TRAF3IP1: variants seen among roughly 807,000 people sequenced by gnomAD.
TRAF3IP1 encodes TRAF3-interacting protein 1.
Under a neutral mutation model 89.9 loss-of-function variants are expected in TRAF3IP1, and 53 were observed. That is an observed-to-expected ratio of 0.59 (90% CI 0.47 to 0.74). TRAF3IP1 has a LOEUF of 0.74. Among genes scored for constraint, TRAF3IP1 ranks in the 30% least tolerant of loss-of-function variants. TRAF3IP1 has a pLI of 0.00. For missense variants in TRAF3IP1, 806 were observed against 866.1 expected (o/e 0.93, Z 0.87); for synonymous variants, 311 against 322.1 (o/e 0.97, Z 0.37).
At chr2:238,353,040 A>C in intron 13 of TRAF3IP1, 90 bp downstream of exon 13, 4 of 1,526,918 alleles carry the variant, frequency 2.6e-6, no homozygotes, top group Non-Finnish European at 2.7e-6. Context: ...TGTAGACAAA[A>C]ATGTCCTGTA....
intron 8 of TRAF3IP1, among the ~76,000 whole-genome samples, chr2:238,343,836 T>G (rs1698772416): frequency 6.6e-6 from 1 of 151,896 alleles, no homozygotes; most frequent in Non-Finnish European, 1.5e-5. Flanking sequence ...AATTTTATAT[T>G]TTTTTGTGTA....
chr2:238,387,387 T>C (rs572618011), intron 15 of TRAF3IP1, among the ~76,000 whole-genome samples: 2 of 152,358 alleles, frequency 1.3e-5, no homozygotes, highest in East Asian at 1.9e-4. Context: ...TCAGTAGTTA[T>C]TATCTTCAGT....
At chr2:238,383,231 C>T (rs796838172) in intron 15 of TRAF3IP1, among the ~76,000 whole-genome samples, 4 of 152,148 alleles carry the variant, frequency 2.6e-5, no homozygotes, top group African/African-American at 9.7e-5. Flanking sequence ...CTCTTCCATT[C>T]CCCCATCTCC....
chr2:238,397,572 G>A lies in TRAF3IP1; in HGVS notation c.1803G>A (p.Gly601=). The change falls in exon 16 of 17, where the codon GGG becomes GGA. Residue 601 remains glycine, a synonymous_variant. Transcript: ENST00000373327. ...TGTGCAAGAGCGCACTTCCCCTGGG[G>A]AAGATCATGGACTACATCCAGGAAG... ...QTLCKSALPL[G]KIMDYIQEDV... 6.2e-7 allele frequency: 1 copy of A among 1,613,032 alleles called. No homozygotes were observed. Among genetic ancestry groups the A allele is most frequent in the Non-Finnish European group, 8.5e-7 (1 of 1,179,960 alleles).
In TRAF3IP1 at chr2:238,391,459, C is replaced by T. The variant is rs117472361; in HGVS notation, c.1690-6000C>T. Among the ~76,000 whole-genome samples the T allele has an allele frequency of 4.0e-4, 61 of 152,300 alleles. No homozygotes were observed. In the East Asian group the frequency reaches 0.011, roughly 27 times the overall value. Reference sequence around the variant, plus strand: ...GTGTGCTTTTTAAAGCAAATAATCACGGCTTGATGCGTTCACGCTGCCCCT... The same window carrying T: ...GTGTGCTTTTTAAAGCAAATAATCATGGCTTGATGCGTTCACGCTGCCCCT... On this transcript the variant is annotated intron_variant, in intron 15 of 16. Transcript: ENST00000373327.
chr2:238,396,383 G>T (rs1442951202), intron 15 of TRAF3IP1, among the ~76,000 whole-genome samples: 1 of 109,978 alleles, frequency 9.1e-6, no homozygotes. Flanking sequence ...CTGTTGTGGG[G>T]TGGGGGGAGG....
At chr2:238,363,857 G>A (rs1699761918) in intron 15 of TRAF3IP1, among the ~76,000 whole-genome samples, 1 of 152,150 alleles carries the variant, frequency 6.6e-6, no homozygotes, top group Non-Finnish European at 1.5e-5. Context: ...CTACTCAGGA[G>A]GCTGAGGCAA....
chr2:238,342,629 A>C (rs1698714181), intron 8 of TRAF3IP1, among the ~76,000 whole-genome samples: 5 of 152,248 alleles, frequency 3.3e-5, no homozygotes, highest in Admixed American at 3.3e-4. Context: ...ACTTAAAATT[A>C]TTAGAGTGTT....
chr2:238,366,869 G>A (rs1699898103), intron 15 of TRAF3IP1, among the ~76,000 whole-genome samples: 1 of 152,100 alleles, frequency 6.6e-6, no homozygotes, highest in African/African-American at 2.4e-5. Context: ...GCCCCAGGAT[G>A]AAAATTAGTG....
chr2:238,327,100 C>T (rs986322931), intron 3 of TRAF3IP1, among the ~76,000 whole-genome samples: 1 of 152,234 alleles, frequency 6.6e-6, no homozygotes, highest in Non-Finnish European at 1.5e-5. Flanking sequence ...CCTTCAGATC[C>T]TTCTCTCGTT....
chr2:238,383,034 C>T (rs939518159), intron 15 of TRAF3IP1, among the ~76,000 whole-genome samples: 1 of 152,170 alleles, frequency 6.6e-6, no homozygotes, highest in African/African-American at 2.4e-5. Context: ...CACCTCCCTG[C>T]CTGTCTCTAC....
intron 15 of TRAF3IP1, among the ~76,000 whole-genome samples, chr2:238,393,288 A>G (rs1438290425): frequency 6.6e-6 from 1 of 152,218 alleles, no homozygotes; most frequent in Non-Finnish European, 1.5e-5. Context: ...CCTAATGCCT[A>G]ATGATTTCAA....
At position 238,345,652 on chromosome 2, in the gene TRAF3IP1, G is replaced by GT. The variant is rs1698858080; in HGVS notation, c.1261+1055dup. Among the ~76,000 whole-genome samples, 1 of 152,196 alleles carries GT rather than the reference G, an allele frequency of 6.6e-6. No homozygotes were observed. The highest frequency in any genetic ancestry group is 2.4e-5 in the African/African-American group (1 of 41,444). ...CAGAGAAGAGAGAGAGGCCTGGACTGTGGAGGCGCCCTGGGAGGGGAGAAG... is the reference window on the plus strand; with the variant it reads ...CAGAGAAGAGAGAGAGGCCTGGACTGTTGGAGGCGCCCTGGGAGGGGAGAAG... On this transcript the variant is annotated intron_variant, in intron 9 of 16. Transcript: ENST00000373327. The surrounding 1 kb of genome is among the most constrained non-coding windows in gnomAD (Gnocchi z 4.7).
intron 15 of TRAF3IP1, among the ~76,000 whole-genome samples, chr2:238,369,010 A>G (rs928995199): frequency 3.9e-5 from 6 of 152,122 alleles, no homozygotes; most frequent in African/African-American, 1.4e-4. Context: ...CACTGTGTCT[A>G]TACTCTTACA....
intron 15 of TRAF3IP1, among the ~76,000 whole-genome samples, chr2:238,370,021 C>T (rs923741261): frequency 6.6e-6 from 1 of 152,202 alleles, no homozygotes; most frequent in Admixed American, 6.5e-5. Flanking sequence ...TGTTCTTTCC[C>T]TGCTCCAGCC....
chr2:238,363,821 A>T (rs532077014), intron 15 of TRAF3IP1, among the ~76,000 whole-genome samples: 34 of 152,240 alleles, frequency 2.2e-4, no homozygotes, highest in Admixed American at 1.5e-3. Flanking sequence ...TTAGCCGGAC[A>T]TGGTGGTGTG....
chr2:238,359,382 C>T (rs1395072126), intron 15 of TRAF3IP1, among the ~76,000 whole-genome samples: 1 of 152,192 alleles, frequency 6.6e-6, no homozygotes, highest in Non-Finnish European at 1.5e-5. Context: ...GCCCCAACCC[C>T]AGCAGCCACC....
intron 15 of TRAF3IP1, among the ~76,000 whole-genome samples, chr2:238,358,019 A>G (rs1192516923): frequency 6.6e-6 from 1 of 152,144 alleles, no homozygotes; most frequent in Non-Finnish European, 1.5e-5. Context: ...CAGTTAGGGG[A>G]AAATCAGCAA....
chr2:238,380,504 G>A (rs1700501151), intron 15 of TRAF3IP1, among the ~76,000 whole-genome samples: 1 of 152,148 alleles, frequency 6.6e-6, no homozygotes, highest in African/African-American at 2.4e-5. Flanking sequence ...CCCCCTAACC[G>A]ATAGGAAACA....
Sources: allele counts gnomAD v4.1 joint callset (sites outside exome capture counted in the v4.1 genomes callset), GRCh38; gene constraint gnomAD v4.1.1; non-coding constraint Gnocchi (gnomAD v3.1); transcripts MANE v1.5; gene names NCBI Gene and HGNC (gene_info 2026-07-23, HGNC 2026-07-21).